The following KIAA0825 variants were observed in gnomAD, a reference collection of about 807,000 sequenced individuals.
The protein encoded by KIAA0825 is KIAA0825.
KIAA0825 carries 119 observed loss-of-function variants against 147.6 expected under a neutral mutation model. The ratio of observed to expected loss-of-function variants is 0.81; its 90% CI spans 0.69 to 0.94. KIAA0825 has a LOEUF of 0.94. Ranked by LOEUF, KIAA0825 falls within the 40% of genes least tolerant of loss-of-function variation. The pLI, the probability that KIAA0825 is intolerant of heterozygous loss-of-function variation, is 0.00. For missense variants in KIAA0825, 1,381 were observed against 1,472.7 expected, an observed-to-expected ratio of 0.94 and a Z score of 1.02; for synonymous variants, 470 against 518.1, an observed-to-expected ratio of 0.91 and a Z score of 1.26.
intron 6 of KIAA0825, among the ~76,000 whole-genome samples, chr5:94,478,312 T>C (rs1562538830): frequency 6.6e-6 from 1 of 152,204 alleles, no homozygotes; most frequent in Non-Finnish European, 1.5e-5. Context: ...AGAGTTTACA[T>C]ATTCTGAGGA....
At chr5:94,591,632 T>C (rs2152392921) in intron 1 of KIAA0825, among the ~76,000 whole-genome samples, 1 of 152,342 alleles carries the variant, frequency 6.6e-6, no homozygotes, top group Admixed American at 6.5e-5. Context: ...TTTTTTCTAA[T>C]ATGAATGCAT....
chr5:94,422,783 A>G (rs147028559), intron 14 of KIAA0825, among the ~76,000 whole-genome samples: 10 of 152,304 alleles, frequency 6.6e-5, no homozygotes, highest in African/African-American at 2.2e-4. Flanking sequence ...TAAAGTATCC[A>G]TTGTTCAAAC....
At chr5:94,332,792 G>T (rs1781415723) in intron 20 of KIAA0825, among the ~76,000 whole-genome samples, 1 of 152,132 alleles carries the variant, frequency 6.6e-6, no homozygotes, top group Non-Finnish European at 1.5e-5. Context: ...CTAGATCCTT[G>T]AGTAATTGCC....
chr5:94,452,946 T>C lies in KIAA0825; in HGVS notation c.2357+13A>G. On this transcript the variant is annotated intron_variant, in intron 13 of 20. Coordinates refer to ENST00000682413, the MANE Select transcript of KIAA0825 (RefSeq NM_001145678.3). ...ATAGAATTATAGATAGTATGGCATT[T>C]AGAGGCTCTCACCTGAGTAAAGAAG... The C allele has an allele frequency of 7.5e-7, 1 of 1,334,300 alleles. No homozygotes were observed. Among genetic ancestry groups the C allele is most frequent in the African/African-American group, 1.5e-5 (1 of 65,030 alleles). The allele number at this position is 1,334,300 out of a possible 1,614,324, so 82.7% of individuals were successfully genotyped here. A position where few individuals can be genotyped will look rare whatever the true frequency, so the allele number is the denominator to read the frequency against.
intron 20 of KIAA0825, among the ~76,000 whole-genome samples, chr5:94,296,805 T>A (rs1421620590): frequency 6.6e-6 from 1 of 152,174 alleles, no homozygotes; most frequent in East Asian, 1.9e-4. Flanking sequence ...TGCATTGATC[T>A]TGCTGGGAGC....
chr5:94,268,124 G>T (rs1776814794), intron 20 of KIAA0825, among the ~76,000 whole-genome samples: 1 of 152,022 alleles, frequency 6.6e-6, no homozygotes, highest in African/African-American at 2.4e-5. Flanking sequence ...ATTAAAAGAG[G>T]ACTCACAGAG....
In KIAA0825 at chr5:94,471,866, C is replaced by T; in HGVS notation, c.1456-135G>A. The T allele has an allele frequency of 1.0e-5, 8 of 782,972 alleles. No individual in the cohort carries two copies. In the South Asian group the frequency reaches 1.5e-4, roughly 15 times the overall value. 48.5% of individuals were successfully genotyped at this position (782,972 alleles called of 1,614,324 possible). A position where few individuals can be genotyped will look rare whatever the true frequency, so the allele number is the denominator to read the frequency against. Reference sequence around the variant, plus strand: ...TATAATGACGCAGCTTTGTAATAATCGATTTCTCAGTTGTAGAAAGTTAAA... The same window carrying T: ...TATAATGACGCAGCTTTGTAATAATTGATTTCTCAGTTGTAGAAAGTTAAA... On this transcript the variant is annotated intron_variant, in intron 8 of 20. Transcript: ENST00000682413.
intron 1 of KIAA0825, chr5:94,593,944 T>C (rs1784804527): frequency 2.2e-6 from 1 of 454,452 alleles, no homozygotes; most frequent in Non-Finnish European, 4.4e-6. Context: ...TACCACAGTG[T>C]GACCCAAATA....
intron 1 of KIAA0825, among the ~76,000 whole-genome samples, chr5:94,600,405 A>G (rs1585009816): frequency 6.6e-6 from 1 of 151,470 alleles, no homozygotes; most frequent in East Asian, 1.9e-4. Context: ...ATTTCCTTAC[A>G]TATATTATAT....
chr5:94,202,879 T>C (rs1283679772), intron 20 of KIAA0825, among the ~76,000 whole-genome samples: 1 of 152,182 alleles, frequency 6.6e-6, no homozygotes, highest in African/African-American at 2.4e-5. Flanking sequence ...TTGCTATTGA[T>C]TATTCTTTCT....
chr5:94,170,577 T>A (rs1355605203), intron 20 of KIAA0825, among the ~76,000 whole-genome samples: 1 of 152,182 alleles, frequency 6.6e-6, no homozygotes, highest in Non-Finnish European at 1.5e-5. Flanking sequence ...CTCAGTGGCA[T>A]CAAGTAGGCA....
At chr5:94,557,120 T>C (rs1283401883) in intron 2 of KIAA0825, among the ~76,000 whole-genome samples, 1 of 152,154 alleles carries the variant, frequency 6.6e-6, no homozygotes, top group African/African-American at 2.4e-5. Context: ...AATTAATTTA[T>C]TTATTTATTT....
chr5:94,398,149 T>C (rs1750915100), intron 16 of KIAA0825, among the ~76,000 whole-genome samples: 2 of 152,160 alleles, frequency 1.3e-5, no homozygotes, highest in African/African-American at 2.4e-5. Flanking sequence ...CTGACCTACT[T>C]CAAGCCCTTC....
In KIAA0825 at chr5:94,421,379, T is replaced by C. The variant is rs191744484; in HGVS notation, c.2498-4014A>G. ...TTAGCAATTCTGTTTTCCTTTGACT[T>C]GAAAGATTCTTTTTATGCAGAACTT... is the stretch of plus-strand genomic sequence containing the variant. On this transcript the variant is annotated intron_variant, in intron 14 of 20. Coordinates refer to ENST00000682413, the MANE Select transcript of KIAA0825 (RefSeq NM_001145678.3). Among the ~76,000 whole-genome samples the C allele has an allele frequency of 2.0e-5, 3 of 152,350 alleles. No homozygotes were observed. In the East Asian group the frequency reaches 5.8e-4, roughly 29 times the overall value.
chr5:94,215,578 G>GTTCTCTT (rs1442730792), intron 20 of KIAA0825, among the ~76,000 whole-genome samples: 2 of 152,132 alleles, frequency 1.3e-5, no homozygotes, highest in Non-Finnish European at 2.9e-5. Context: ...ATAGAAGTCT[G>GTTCTCTT]TTCTCTTTTA....
chr5:94,451,246 A>G lies in KIAA0825; in HGVS notation c.2357+1713T>C, dbSNP rs189755048. ...CCCAGCCCTTTAATCACTCCACAGT[A>G]GTCTATTATGCCACTATTCCATACT... On this transcript the variant is annotated intron_variant, in intron 13 of 20. Transcript: ENST00000682413. Among the ~76,000 whole-genome samples, 21 of 152,284 alleles carry G rather than the reference A, an allele frequency of 1.4e-4. No individual in the cohort carries two copies. In the East Asian group the frequency reaches 3.9e-3, roughly 28 times the overall value.
intron 2 of KIAA0825, among the ~76,000 whole-genome samples, chr5:94,574,400 C>T (rs1057325604): frequency 5.3e-5 from 8 of 151,710 alleles, no homozygotes; most frequent in African/African-American, 1.9e-4. Context: ...AAAAATTAGT[C>T]GGGTGTGTTG....
chr5:94,562,014 A>T (rs772669529), intron 2 of KIAA0825, among the ~76,000 whole-genome samples: 4 of 152,190 alleles, frequency 2.6e-5, no homozygotes, highest in Non-Finnish European at 4.4e-5. Context: ...AGCCATTTTT[A>T]AAAAATTGTG....
At chr5:94,516,270 C>T (rs1268493843) in intron 5 of KIAA0825, among the ~76,000 whole-genome samples, 1 of 152,068 alleles carries the variant, frequency 6.6e-6, no homozygotes, top group Admixed American at 6.5e-5. Context: ...CTGTGGGGTG[C>T]CCAGGTGAAT....
Sources: allele counts gnomAD v4.1 joint callset (sites outside exome capture counted in the v4.1 genomes callset), GRCh38; gene constraint gnomAD v4.1.1; transcripts MANE v1.5; gene names NCBI Gene and HGNC (gene_info 2026-07-23, HGNC 2026-07-21).